Variants in CHLSN observed in about 807,000 individuals in gnomAD.
The protein encoded by CHLSN is protein cholesin.
At chr7:1,028,084 A>G in the CHLSN span, among the ~76,000 whole-genome samples, 5,396 of 151,826 alleles carry the variant, frequency 0.036, 112 homozygotes, top group African/African-American at 0.058. Flanking sequence ...GAGCCCCGAG[A>G]AGCGCGGCTC....
chr7:1,065,845 G>A, the CHLSN span, among the ~76,000 whole-genome samples: 1 of 152,262 alleles, frequency 6.6e-6, no homozygotes, highest in Non-Finnish European at 1.5e-5. Flanking sequence ...AAGATTTCAA[G>A]TGCGGGCACT....
chr7:1,028,518 C>A, the CHLSN span: 1 of 985,196 alleles, frequency 1.0e-6, no homozygotes, highest in Non-Finnish European at 1.2e-6. Context: ...GACCCTGCTG[C>A]AGCCCCCACT....
At chr7:1,092,460 G>A in the CHLSN span, 87 of 1,607,798 alleles carry the variant, frequency 5.4e-5, 1 homozygote, top group Middle Eastern at 1.7e-4. Context: ...TGGTCAGGGC[G>A]CACCGGCACC....
the CHLSN span, among the ~76,000 whole-genome samples, chr7:1,050,955 C>T: frequency 7.2e-5 from 11 of 152,242 alleles, no homozygotes; most frequent in South Asian, 4.1e-4. Context: ...AGATGGCGGC[C>T]ATGCCGTCAG....
chr7:1,033,116 T>C, the CHLSN span, among the ~76,000 whole-genome samples: 1 of 152,180 alleles, frequency 6.6e-6, no homozygotes, highest in African/African-American at 2.4e-5. Flanking sequence ...AGAACCCTGA[T>C]ACCCAAACCA....
At chr7:1,035,547 G>A in the CHLSN span, among the ~76,000 whole-genome samples, 382 of 152,324 alleles carry the variant, frequency 2.5e-3, 6 homozygotes, top group African/African-American at 8.7e-3. Context: ...CCAGACGCGC[G>A]ACATCCTTTG....
the CHLSN span, among the ~76,000 whole-genome samples, chr7:982,658 A>G: frequency 6.6e-6 from 1 of 152,318 alleles, no homozygotes; most frequent in Admixed American, 6.5e-5. Context: ...GTGGGATTTG[A>G]GTCCCCTCAT....
At chr7:1,125,152 T>C in the CHLSN span, among the ~76,000 whole-genome samples, 5 of 152,150 alleles carry the variant, frequency 3.3e-5, no homozygotes, top group South Asian at 2.1e-4. Flanking sequence ...ACTGCCTCAT[T>C]GGACAGGATC....
the CHLSN span, among the ~76,000 whole-genome samples, chr7:1,048,243 G>C: frequency 1.7e-3 from 257 of 152,322 alleles, 2 homozygotes; most frequent in African/African-American, 5.9e-3. Context: ...ATCACCGGGC[G>C]TGGGACTTGC....
chr7:1,111,273 A>G, the CHLSN span, among the ~76,000 whole-genome samples: 1 of 152,258 alleles, frequency 6.6e-6, no homozygotes, highest in Non-Finnish European at 1.5e-5. Flanking sequence ...ACCAGCTATC[A>G]CTGCTTCCTG....
At chr7:1,039,186 T>G in the CHLSN span, among the ~76,000 whole-genome samples, 1 of 21,040 alleles carries the variant, frequency 4.8e-5, no homozygotes. Context: ...GGGAGGGAGG[T>G]GGGGGTGTCA....
the CHLSN span, chr7:1,092,911 T>A: frequency 6.6e-7 from 1 of 1,516,410 alleles, no homozygotes; most frequent in South Asian, 1.1e-5. Context: ...TGCACACACC[T>A]GGGTGGACAC....
chr7:1,051,573 C>G, the CHLSN span, among the ~76,000 whole-genome samples: 1 of 152,240 alleles, frequency 6.6e-6, no homozygotes. Flanking sequence ...GACCTCTCAC[C>G]CCATCCAAAT....
chr7:1,023,034 G>T, the CHLSN span: 1 of 456,232 alleles, frequency 2.2e-6, no homozygotes, highest in Non-Finnish European at 4.4e-6. This position sits in a 1 kb window ranked among gnomAD's most constrained non-coding sequence, Gnocchi z 5.0. Flanking sequence ...CCGCCCCTGC[G>T]GAGCACAGGA....
chr7:982,459 C>T, the CHLSN span, among the ~76,000 whole-genome samples: 1 of 152,256 alleles, frequency 6.6e-6, no homozygotes, highest in Admixed American at 6.5e-5. Context: ...CCACCCCTCA[C>T]AGCGGTTTAG....
At chr7:1,019,965 G>A in the CHLSN span, among the ~76,000 whole-genome samples, 47 of 152,366 alleles carry the variant, frequency 3.1e-4, no homozygotes, top group Admixed American at 2.0e-3. Context: ...GCACCTGGAC[G>A]AGGGCAGCTT....
chr7:1,070,479 GCA>G, the CHLSN span, among the ~76,000 whole-genome samples: 2 of 151,160 alleles, frequency 1.3e-5, no homozygotes, highest in Admixed American at 6.6e-5. Context: ...ACGCACATAC[GCA>G]CACGGGCACA....
At chr7:1,122,437 G>C in the CHLSN span, among the ~76,000 whole-genome samples, 1 of 152,214 alleles carries the variant, frequency 6.6e-6, no homozygotes, top group African/African-American at 2.4e-5. Context: ...CTCTGCATGG[G>C]GTGGTCACGC....
At chr7:1,100,782 C>A in the CHLSN span, among the ~76,000 whole-genome samples, 34,599 of 151,172 alleles carry the variant, frequency 0.23, 4,327 homozygotes, top group African/African-American at 0.31. Context: ...AAAAAAAAAA[C>A]AAAACAAAAC....
Sources: gnomAD v4.1 joint callset for allele counts (sites outside exome capture counted in the v4.1 genomes callset) on GRCh38, gnomAD v4.1.1 for gene constraint, Gnocchi (gnomAD v3.1) non-coding constraint, MANE v1.5 for transcripts, NCBI Gene and HGNC (gene_info 2026-07-23, HGNC 2026-07-21) for gene names.